The following RNFT2 variants were observed in gnomAD, a reference collection of about 807,000 sequenced individuals.
RNFT2 encodes the protein ring finger protein, transmembrane 2, also known as E3 ubiquitin-protein ligase RNFT2.
In RNFT2, 36 loss-of-function variants were observed where a neutral mutation model predicts 53.0. The ratio of observed to expected loss-of-function variants is 0.68; its 90% CI spans 0.52 to 0.90. The LOEUF is 0.90. Ranked by LOEUF, RNFT2 falls within the 40% of genes least tolerant of loss-of-function variation. The probability of loss-of-function intolerance (pLI) is 0.00; values close to 1 mark genes in which losing one functional copy is unlikely to be tolerated. For synonymous variants in RNFT2, 260 were observed against 253.2 expected, an observed-to-expected ratio of 1.03 and a Z score of -0.26; for missense variants, 514 against 585.6, an observed-to-expected ratio of 0.88 and a Z score of 1.26.
At chr12:116,792,520 TG>T (rs1266120151) in intron 7 of RNFT2, among the ~76,000 whole-genome samples, 4 of 152,184 alleles carry the variant, frequency 2.6e-5, no homozygotes, top group African/African-American at 9.6e-5. Context: ...CTCCGAGCTG[TG>T]GGCAACAGTT....
chr12:116,746,563 G>A (rs539011239), intron 3 of RNFT2, among the ~76,000 whole-genome samples: 1 of 152,296 alleles, frequency 6.6e-6, no homozygotes, highest in African/African-American at 2.4e-5. Context: ...AGATGAGCGT[G>A]CATTACCTAG....
At chr12:116,763,054 C>T (rs1174053846) in intron 5 of RNFT2, among the ~76,000 whole-genome samples, 1 of 152,038 alleles carries the variant, frequency 6.6e-6, no homozygotes, top group Non-Finnish European at 1.5e-5. Flanking sequence ...TGCACTCTAG[C>T]CTGGGCAACA....
chr12:116,757,422 G>C (rs1399467576), intron 5 of RNFT2, among the ~76,000 whole-genome samples: 1 of 152,054 alleles, frequency 6.6e-6, no homozygotes, highest in African/African-American at 2.4e-5. Flanking sequence ...TGGAGTGTCA[G>C]TTTGTGCTCT....
intron 3 of RNFT2, among the ~76,000 whole-genome samples, chr12:116,746,923 T>G (rs1280531253): frequency 6.6e-6 from 1 of 152,194 alleles, no homozygotes; most frequent in Non-Finnish European, 1.5e-5. Flanking sequence ...TATGATAATA[T>G]GCAGCTGCTG....
At chr12:116,750,407 C>A in intron 4 of RNFT2, 100 bp downstream of exon 4, 1 of 1,115,190 alleles carries the variant, frequency 9.0e-7, no homozygotes, top group Non-Finnish European at 1.3e-6. Context: ...CAGGGAGAGG[C>A]AGCAGAGACC....
At chr12:116,748,120 G>A (rs887554745) in intron 3 of RNFT2, among the ~76,000 whole-genome samples, 2 of 152,018 alleles carry the variant, frequency 1.3e-5, no homozygotes, top group African/African-American at 4.8e-5. Flanking sequence ...AACCTGGGAG[G>A]CGGAGGTTGC....
At chr12:116,839,231 T>C (rs1877125434) in intron 10 of RNFT2, among the ~76,000 whole-genome samples, 1 of 152,202 alleles carries the variant, frequency 6.6e-6, no homozygotes, top group East Asian at 1.9e-4. Context: ...ACAAGCAACA[T>C]GAGAGCAGAT....
At chr12:116,755,224 C>A (rs955615957) in intron 5 of RNFT2, among the ~76,000 whole-genome samples, 14 of 152,284 alleles carry the variant, frequency 9.2e-5, no homozygotes, top group Non-Finnish European at 4.4e-5. Flanking sequence ...ATTATCCCAG[C>A]ACCATTTGTT....
intron 10 of RNFT2, among the ~76,000 whole-genome samples, chr12:116,839,980 T>C (rs905230435): frequency 8.5e-5 from 13 of 152,164 alleles, no homozygotes; most frequent in Non-Finnish European, 1.8e-4. Flanking sequence ...CTTGCCCAGT[T>C]AGGCACTCTG....
rs543750818 is a variant in RNFT2 at position 116,765,247 on chromosome 12, A to C, written c.628-1567A>C. Among the ~76,000 whole-genome samples the C allele has an allele frequency of 3.9e-5, 6 of 152,290 alleles. No individual in the cohort carries two copies. The East Asian group carries it at 1.2e-3, about 29-fold the overall frequency. ...TTCATAGAGAATTAAACTGGAATCT[A>C]TTATTCATTGGAGTAAAAAGAGCTG... On this transcript the variant is annotated intron_variant, in intron 5 of 10. Transcript: ENST00000257575.
At chr12:116,841,276 A>AC (rs1040126858) in intron 10 of RNFT2, among the ~76,000 whole-genome samples, 7 of 151,882 alleles carry the variant, frequency 4.6e-5, no homozygotes, top group Admixed American at 1.3e-4. Context: ...ACATAGCGAG[A>AC]CCCCCATCTC....
rs1007618594 is a variant in RNFT2, at chr12:116,851,513, C to T, written c.*2065C>T. The stretch of plus-strand genomic sequence containing the variant: ...CAGCATTTTGGGAGGCTGAAGCAGG[C>T]GGGTCACCTGAGGTCAAGAGTTCAA... On this transcript the variant is annotated 3_prime_UTR_variant, in exon 11 of 11. Coordinates refer to ENST00000257575, the MANE Select transcript of RNFT2 (RefSeq NM_001382266.1). The T allele has an allele frequency of 4.0e-5, 20 of 502,506 alleles. No homozygotes were observed. Among genetic ancestry groups the T allele is most frequent in the Non-Finnish European group, 5.7e-5 (16 of 279,476 alleles). 31.1% of individuals were successfully genotyped at this position (502,506 alleles called of 1,614,324 possible).
intron 10 of RNFT2, among the ~76,000 whole-genome samples, chr12:116,846,863 T>TA (rs1877643584): frequency 6.6e-6 from 1 of 151,266 alleles, no homozygotes; most frequent in African/African-American, 2.4e-5. Flanking sequence ...AACAAGGACA[T>TA]ACTCTCAGAT....
intron 7 of RNFT2, among the ~76,000 whole-genome samples, chr12:116,798,800 T>G (rs1874629966): frequency 6.6e-6 from 1 of 151,344 alleles, no homozygotes. Context: ...GGGCTCGAAC[T>G]CCTAAGCTCA....
chr12:116,771,281 G>A (rs971564137), intron 6 of RNFT2, among the ~76,000 whole-genome samples: 3 of 151,558 alleles, frequency 2.0e-5, no homozygotes, highest in African/African-American at 7.3e-5. Context: ...GCAACATGGT[G>A]AGACTCCATC....
chr12:116,739,517 CAG>C (rs1871491812), intron 1 of RNFT2, among the ~76,000 whole-genome samples: 1 of 152,168 alleles, frequency 6.6e-6, no homozygotes, highest in African/African-American at 2.4e-5. Context: ...TAATATAAAA[CAG>C]GGCAATATTA....
chr12:116,784,518 C>G (rs1359490724), intron 7 of RNFT2, among the ~76,000 whole-genome samples: 1 of 152,168 alleles, frequency 6.6e-6, no homozygotes, highest in Non-Finnish European at 1.5e-5. Context: ...GCTCTTTCAT[C>G]TGGGGCCTGG....
intron 7 of RNFT2, among the ~76,000 whole-genome samples, chr12:116,795,053 C>T (rs1874440487): frequency 1.3e-5 from 2 of 151,958 alleles, no homozygotes; most frequent in African/African-American, 4.8e-5. Flanking sequence ...ATCATATACT[C>T]CTACTTCTAT....
intron 5 of RNFT2, among the ~76,000 whole-genome samples, chr12:116,763,143 A>G (rs573136638): frequency 4.0e-5 from 6 of 149,502 alleles, no homozygotes; most frequent in African/African-American, 1.2e-4. Flanking sequence ...GGAAACATTT[A>G]ATTGAGCTAG....
Sources: gnomAD v4.1 joint callset for allele counts (sites outside exome capture counted in the v4.1 genomes callset) on GRCh38, gnomAD v4.1.1 for gene constraint, MANE v1.5 for transcripts, NCBI Gene and HGNC (gene_info 2026-07-23, HGNC 2026-07-21) for gene names.